GNG7: variants seen among roughly 807,000 people sequenced by gnomAD.
GNG7 encodes the protein G protein subunit gamma 7, also known as guanine nucleotide-binding protein G(I)/G(S)/G(O) subunit gamma-7.
A neutral mutation model predicts 4.0 loss-of-function variants in GNG7; 1 was observed. The observed-to-expected ratio is 0.25, with a 90% confidence interval of 0.09 to 1.18. The LOEUF is 1.18. Ranked by LOEUF, GNG7 falls within the 50% of genes most tolerant of loss-of-function variation. The pLI is 0.50. For synonymous variants in GNG7, 34 were observed against 36.9 expected (o/e 0.92, Z 0.29); for missense variants, 86 against 91.9 (o/e 0.94, Z 0.26).
At chr19:2,688,635 A>G (rs1425427658) in intron 1 of GNG7, among the ~76,000 whole-genome samples, 1 of 152,200 alleles carries the variant, frequency 6.6e-6, no homozygotes, top group Non-Finnish European at 1.5e-5. Flanking sequence ...AACATCTAAG[A>G]CATGGTCCCA....
chr19:2,539,523 T>G (rs1978875153), intron 3 of GNG7, among the ~76,000 whole-genome samples: 1 of 152,070 alleles, frequency 6.6e-6, no homozygotes, highest in South Asian at 2.1e-4. Context: ...CAGGCTGGTC[T>G]CGAACTCCTG....
chr19:2,539,676 C>T (rs1017298063), intron 3 of GNG7, among the ~76,000 whole-genome samples: 3 of 152,152 alleles, frequency 2.0e-5, no homozygotes, highest in Non-Finnish European at 4.4e-5. Flanking sequence ...CCCAGTGGAG[C>T]CCTGAATGGA....
intron 3 of GNG7, among the ~76,000 whole-genome samples, chr19:2,544,262 A>G (rs1301787916): frequency 6.6e-6 from 1 of 152,202 alleles, no homozygotes; most frequent in East Asian, 1.9e-4. Flanking sequence ...TGTGAGGAAC[A>G]AGTCGCCTTC....
chr19:2,572,400 G>T (rs1980174461), intron 2 of GNG7, among the ~76,000 whole-genome samples: 1 of 151,924 alleles, frequency 6.6e-6, no homozygotes, highest in Non-Finnish European at 1.5e-5. Flanking sequence ...TCACAGAGCT[G>T]TGCAACCATC....
chr19:2,673,142 A>G (rs1054983426), intron 1 of GNG7, among the ~76,000 whole-genome samples: 1 of 151,954 alleles, frequency 6.6e-6, no homozygotes, highest in Non-Finnish European at 1.5e-5. Context: ...CTGTAGTCCC[A>G]GCTACTCAGG....
intron 2 of GNG7, among the ~76,000 whole-genome samples, chr19:2,575,148 C>A (rs915627410): frequency 6.6e-6 from 1 of 150,546 alleles, no homozygotes; most frequent in Non-Finnish European, 1.5e-5. Context: ...GCAGTGGCAC[C>A]GTCATAGCTT....
At chr19:2,583,362 C>T (rs1980557576) in intron 2 of GNG7, among the ~76,000 whole-genome samples, 1 of 152,226 alleles carries the variant, frequency 6.6e-6, no homozygotes, top group Admixed American at 6.5e-5. Context: ...ATGGACCTCT[C>T]ACCCCCTTTG....
At chr19:2,572,501 G>A (rs562698213) in intron 2 of GNG7, among the ~76,000 whole-genome samples, 8 of 151,762 alleles carry the variant, frequency 5.3e-5, no homozygotes, top group African/African-American at 1.7e-4. Flanking sequence ...GCCTGATCTC[G>A]GCTCACTGCA....
intron 3 of GNG7, among the ~76,000 whole-genome samples, chr19:2,552,488 G>A (rs946641924): frequency 3.9e-5 from 6 of 151,970 alleles, no homozygotes; most frequent in African/African-American, 1.2e-4. Flanking sequence ...GGGTTCAAGC[G>A]ATTCTCCTAC....
At chr19:2,533,658 C>A (rs1397359603) in intron 3 of GNG7, among the ~76,000 whole-genome samples, 12 of 152,100 alleles carry the variant, frequency 7.9e-5, no homozygotes, top group Non-Finnish European at 1.0e-4. Context: ...GTGAAAATAT[C>A]CTTCAAGAAT....
At chr19:2,593,619 C>T (rs1980916605) in intron 2 of GNG7, among the ~76,000 whole-genome samples, 1 of 151,954 alleles carries the variant, frequency 6.6e-6, no homozygotes, top group African/African-American at 2.4e-5. Flanking sequence ...GGGCGGCTGC[C>T]TGTAGTCCCA....
chr19:2,621,763 G>T (rs1001061819), intron 2 of GNG7, among the ~76,000 whole-genome samples: 2 of 152,072 alleles, frequency 1.3e-5, no homozygotes, highest in Non-Finnish European at 2.9e-5. Flanking sequence ...GAAAACAGAA[G>T]CAGAGACTGG....
chr19:2,584,974 G>A (rs1469253587), intron 2 of GNG7, among the ~76,000 whole-genome samples: 6 of 77,254 alleles, frequency 7.8e-5, no homozygotes, highest in Admixed American at 4.2e-4. Flanking sequence ...GAAGGAGGGA[G>A]GGAGGGATGG....
Position 2,518,243 on chromosome 19 carries a change from T to TCC in GNG7, c.81+2363_81+2364dup, listed in dbSNP as rs35473354. ...GAGTGGGGACGGGTCAAATCCTGGC[T>TCC]CCCCCCGAGGCCCGACATTCAAAGG... On this transcript the variant is annotated intron_variant, in intron 4 of 4. Transcript: ENST00000382159. 2.0e-5 allele frequency among the ~76,000 whole-genome samples: 3 copies of TCC among 150,788 alleles called. No individual in the cohort carries two copies. The South Asian group carries it at 6.3e-4, about 32-fold the overall frequency.
chr19:2,659,610 A>AAAAAGAG (rs5826778), intron 1 of GNG7, among the ~76,000 whole-genome samples: 20 of 121,470 alleles, frequency 1.6e-4, no homozygotes, highest in African/African-American at 5.9e-4. Flanking sequence ...AAAAAAAAAA[A>AAAAAGAG]AGAGAGGAGG....
rs1568268792 is a variant in GNG7 at position 2,633,499 on chromosome 19, A to ACGCGCGCG, written c.-78+12724_-78+12725insCGCGCGCG. Among the ~76,000 whole-genome samples, 13 of 135,902 alleles carry ACGCGCGCG rather than the reference A, an allele frequency of 9.6e-5. No individual in the cohort carries two copies. Among genetic ancestry groups the ACGCGCGCG allele is most frequent in the Non-Finnish European group, 1.4e-4 (9 of 64,280 alleles). The allele number at this position is 135,902 out of a possible 152,430, so 89.2% of individuals were successfully genotyped here. A position where few individuals can be genotyped will look rare whatever the true frequency, so the allele number is the denominator to read the frequency against. On this transcript the variant is annotated intron_variant, in intron 2 of 4. Transcript: ENST00000382159. The surrounding 1 kb of genome is among the most constrained non-coding windows in gnomAD (Gnocchi z 5.9). ...CGCGCGCGCGCGCGCACACACACAC[A>ACGCGCGCG]CACACACACACACACACACACACAC...
intron 3 of GNG7, among the ~76,000 whole-genome samples, chr19:2,550,896 A>C (rs1191322949): frequency 2.6e-5 from 4 of 152,172 alleles, no homozygotes; most frequent in Non-Finnish European, 4.4e-5. Context: ...AGGATCAGGG[A>C]GGCGTCAGTG....
chr19:2,669,664 A>G (rs1247648274), intron 1 of GNG7, among the ~76,000 whole-genome samples: 2 of 151,992 alleles, frequency 1.3e-5, no homozygotes, highest in Non-Finnish European at 2.9e-5. Context: ...TGCAACGGAG[A>G]GCGCCTGGCT....
chr19:2,628,592 A>C (rs1368966620), intron 2 of GNG7, among the ~76,000 whole-genome samples: 1 of 149,866 alleles, frequency 6.7e-6, no homozygotes, highest in Admixed American at 6.6e-5. Context: ...AGTGATGTTA[A>C]GTATACTCAC....
Sources: gnomAD v4.1 joint callset for allele counts (sites outside exome capture counted in the v4.1 genomes callset) on GRCh38, gnomAD v4.1.1 for gene constraint, Gnocchi (gnomAD v3.1) non-coding constraint, MANE v1.5 for transcripts, NCBI Gene and HGNC (gene_info 2026-07-23, HGNC 2026-07-21) for gene names.